MYO1H: variants seen among roughly 807,000 people sequenced by gnomAD.
MYO1H encodes the protein myosin IH.
A neutral mutation model predicts 149.3 loss-of-function variants in MYO1H; 118 were observed. The observed-to-expected ratio is 0.79, with a 90% CI of 0.68 to 0.92. The LOEUF (loss-of-function observed/expected upper bound fraction) is 0.92. MYO1H is among the 40% of genes least tolerant of loss of function. The pLI, the probability that MYO1H is intolerant of heterozygous loss-of-function variation, is 0.00. For synonymous variants in MYO1H, 447 were observed against 465.2 expected, an observed-to-expected ratio of 0.96 and a Z score of 0.50; for missense variants, 1,212 against 1,280.7, an observed-to-expected ratio of 0.95 and a Z score of 0.82.
At chr12:109,443,475 T>C in intron 27 of MYO1H, 39 bp from the exon 28 acceptor site, 1 of 1,605,432 alleles carries the variant, frequency 6.2e-7, no homozygotes, top group Non-Finnish European at 8.5e-7. Flanking sequence ...CTCGGTACTC[T>C]GCCCCACCTT....
At chr12:109,427,573 C>T (rs1871406525) in exon 19 of MYO1H, 1 of 1,609,796 alleles carries the variant, frequency 6.2e-7, no homozygotes, top group African/African-American at 1.3e-5. Context: ...GAAATACGAG[C>T]ATTTCTTGCA....
Position 109,435,019 on chromosome 12 carries a change from A to G in MYO1H, c.2064-18A>G, listed in dbSNP as rs773922008. On this transcript the variant is annotated intron_variant, in intron 20 of 31. Transcript: ENST00000310903. ...AAACTGACCAATTAATAACAAAAAC[A>G]TTTCTTTTCACTTCTAGAACCAAAA... The G allele has an allele frequency of 6.4e-7, 1 of 1,574,774 alleles. No homozygotes were observed.
At chr12:109,313,040 G>T in the MYO1H span, among the ~76,000 whole-genome samples, 1 of 151,898 alleles carries the variant, frequency 6.6e-6, no homozygotes, top group Admixed American at 6.6e-5. Context: ...AGGAGTTCGA[G>T]ACCAGCCTGA....
intron 4 of MYO1H, among the ~76,000 whole-genome samples, chr12:109,397,334 G>A (rs11066492): frequency 0.014 from 2,154 of 152,204 alleles, 19 homozygotes; most frequent in Middle Eastern, 0.034. Context: ...TTCTATAAAT[G>A]AAGATGTTTA....
At chr12:109,432,869 G>C (rs771143311) in intron 19 of MYO1H, 28 bp from the exon 20 acceptor site, 8 of 1,595,384 alleles carry the variant, frequency 5.0e-6, no homozygotes, top group Non-Finnish European at 6.9e-6. Flanking sequence ...TACGGTCACA[G>C]CTTCTCCATG....
intron 4 of MYO1H, 23 bp from the exon 5 acceptor site, chr12:109,397,709 T>G: frequency 6.3e-7 from 1 of 1,596,584 alleles, no homozygotes; most frequent in Non-Finnish European, 8.5e-7. Flanking sequence ...TAAATGACAG[T>G]GAATGACACT....
chr12:109,360,440 T>TG (rs1555248238), intron 1 of MYO1H, among the ~76,000 whole-genome samples: 1 of 152,194 alleles, frequency 6.6e-6, no homozygotes, highest in Non-Finnish European at 1.5e-5. Flanking sequence ...CCCATCTCTC[T>TG]TCTCTGTCTC....
chr12:109,314,742 A>G, the MYO1H span, among the ~76,000 whole-genome samples: 2 of 152,170 alleles, frequency 1.3e-5, no homozygotes, highest in Non-Finnish European at 2.9e-5. Context: ...GGCAACAGCT[A>G]TGTTTCCAGG....
chr12:109,433,112 G>T, intron 20 of MYO1H, 102 bp downstream of exon 20: 1 of 894,228 alleles, frequency 1.1e-6, no homozygotes, highest in Non-Finnish European at 1.8e-6. Flanking sequence ...GATTCCTAGG[G>T]ATTTATGGAG....
intron 1 of MYO1H, among the ~76,000 whole-genome samples, chr12:109,381,751 A>G (rs1163634846): frequency 6.6e-6 from 1 of 152,182 alleles, no homozygotes; most frequent in Non-Finnish European, 1.5e-5. Flanking sequence ...GCTTTAACCC[A>G]GAAGGCGGAG....
At chr12:109,409,158 G>A (rs1416749360) in intron 10 of MYO1H, among the ~76,000 whole-genome samples, 1 of 151,150 alleles carries the variant, frequency 6.6e-6, no homozygotes, top group Non-Finnish European at 1.5e-5. Flanking sequence ...TACTTGGATA[G>A]GCATCTTCTT....
rs150233595 is a variant in MYO1H at position 109,349,497 on chromosome 12, C to CCA, written c.12+1525_12+1526insCA. Among the ~76,000 whole-genome samples, 331 of 144,492 alleles carry CCA rather than the reference C, an allele frequency of 2.3e-3. 6 individuals are homozygous for CCA. Among genetic ancestry groups the CCA allele is most frequent in the African/African-American group, 7.6e-3 (286 of 37,552 alleles). The allele number at this position is 144,492 out of a possible 152,430, so 94.8% of individuals were successfully genotyped here. On this transcript the variant is annotated intron_variant, in intron 1 of 31. Transcript: ENST00000310903. ...GAGCAACATAGTGTGACCCCCCCAC[C>CCA]AAAAAAATTAAAAAGTAGCTAGATA...
intron 21 of MYO1H, among the ~76,000 whole-genome samples, chr12:109,436,184 C>T (rs939145302): frequency 1.3e-5 from 2 of 152,008 alleles, no homozygotes; most frequent in Non-Finnish European, 2.9e-5. Flanking sequence ...TGTGGGGTGG[C>T]GTATGAGAAT....
intron 1 of MYO1H, among the ~76,000 whole-genome samples, chr12:109,376,826 TTTAC>T (rs1194468140): frequency 2.1e-4 from 32 of 152,202 alleles, no homozygotes; most frequent in African/African-American, 6.8e-4. Context: ...CTTGTCAAGT[TTTAC>T]TTAAACTTCT....
chr12:109,433,627 C>T lies in MYO1H; in HGVS notation c.2063+617C>T, dbSNP rs557529247. The stretch of plus-strand genomic sequence containing the variant: ...GCTTCCCCACTCCAGAGAGCTCTGC[C>T]TGTGATCCTGTTCATGGGCTTTCCC... On this transcript the variant is annotated intron_variant, in intron 20 of 31. Coordinates refer to ENST00000310903, the Ensembl canonical transcript of MYO1H. Among the ~76,000 whole-genome samples, 5 of 152,356 alleles carry T rather than the reference C, an allele frequency of 3.3e-5. No homozygotes were observed. In the South Asian group the frequency reaches 1.0e-3, roughly 32 times the overall value.
At chr12:109,398,545 A>G (rs1291019258) in intron 5 of MYO1H, among the ~76,000 whole-genome samples, 1 of 152,036 alleles carries the variant, frequency 6.6e-6, no homozygotes, top group Non-Finnish European at 1.5e-5. Flanking sequence ...CAGGAGTTCA[A>G]GACCAGCCTG....
At chr12:109,330,575 A>T in the MYO1H span, among the ~76,000 whole-genome samples, 2 of 152,130 alleles carry the variant, frequency 1.3e-5, no homozygotes, top group African/African-American at 4.8e-5. Flanking sequence ...AGTGACCCCT[A>T]CCAAGACCCC....
upstream of MYO1H, among the ~76,000 whole-genome samples, chr12:109,345,310 A>G (rs1020915795): frequency 6.6e-6 from 1 of 152,212 alleles, no homozygotes; most frequent in African/African-American, 2.4e-5. Flanking sequence ...TTGCATAGAC[A>G]GTTCTCCAAA....
intron 23 of MYO1H, among the ~76,000 whole-genome samples, chr12:109,439,265 GAC>G (rs1872004952): frequency 6.6e-6 from 1 of 152,126 alleles, no homozygotes; most frequent in Admixed American, 6.5e-5. Context: ...TTAGTAGAGA[GAC>G]AGGGTTTCAC....
Sources: allele counts gnomAD v4.1 joint callset (sites outside exome capture counted in the v4.1 genomes callset), GRCh38; gene constraint gnomAD v4.1.1; transcripts MANE v1.5; gene names NCBI Gene and HGNC (gene_info 2026-07-23, HGNC 2026-07-21).